Variants in CNTNAP2 observed in about 807,000 individuals in gnomAD.
The protein encoded by CNTNAP2 is contactin associated protein 2, also known as contactin-associated protein-like 2.
In CNTNAP2, 98 loss-of-function variants were observed where a neutral mutation model predicts 155.2. The observed-to-expected ratio is 0.63, with a 90% CI of 0.54 to 0.75. The LOEUF is 0.75. CNTNAP2 is among the 30% of genes least tolerant of loss of function. CNTNAP2 has a pLI of 0.00. For synonymous variants in CNTNAP2, 651 were observed against 631.2 expected, an observed-to-expected ratio of 1.03 and a Z score of -0.47; for missense variants, 1,727 against 1,688.1, an observed-to-expected ratio of 1.02 and a Z score of -0.40.
chr7:147,234,313 A>C (rs1803750200), intron 8 of CNTNAP2, among the ~76,000 whole-genome samples: 1 of 147,038 alleles, frequency 6.8e-6, no homozygotes, highest in Admixed American at 6.8e-5. Context: ...TTTGAGTTTC[A>C]CCAGTTGTCC....
At chr7:147,562,376 A>G in intron 12 of CNTNAP2, 119 bp downstream of exon 12, 2 of 1,249,636 alleles carry the variant, frequency 1.6e-6, no homozygotes, top group South Asian at 1.2e-5. Flanking sequence ...AATCAGCAAC[A>G]TATTGCTGGA....
chr7:148,033,768 T>C (rs940184098), intron 15 of CNTNAP2, among the ~76,000 whole-genome samples: 1 of 152,226 alleles, frequency 6.6e-6, no homozygotes, highest in East Asian at 1.9e-4. Flanking sequence ...CAAGTGTATG[T>C]GCATATACGT....
intron 1 of CNTNAP2, among the ~76,000 whole-genome samples, chr7:146,337,239 G>A (rs1308042698): frequency 1.3e-5 from 2 of 151,400 alleles, no homozygotes; most frequent in African/African-American, 4.9e-5. Flanking sequence ...ATTACTTCTG[G>A]GATATGTACA....
In CNTNAP2 at chr7:148,133,469, G is replaced by GTAA. The variant is rs1201616043; in HGVS notation, c.2555-14007_2555-14005dup. Among the ~76,000 whole-genome samples, 13 of 151,958 alleles carry GTAA rather than the reference G, an allele frequency of 8.6e-5. No homozygotes were observed. In the East Asian group the frequency reaches 1.9e-3, roughly 23 times the overall value. On this transcript the variant is annotated intron_variant, in intron 16 of 23. Coordinates refer to ENST00000361727, the MANE Select transcript of CNTNAP2 (RefSeq NM_014141.6). The stretch of plus-strand genomic sequence containing the variant: ...AGAATGAGAATCTGTCTCAAATAAA[G>GTAA]TAATAATAATAATAATATGCATGCT...
At chr7:147,437,429 C>A (rs1294928317) in intron 10 of CNTNAP2, among the ~76,000 whole-genome samples, 2 of 152,052 alleles carry the variant, frequency 1.3e-5, no homozygotes, top group Non-Finnish European at 2.9e-5. Context: ...ACATTCCTTT[C>A]AGCTCTTTTT....
At chr7:146,227,251 C>T (rs1799308509) in intron 1 of CNTNAP2, among the ~76,000 whole-genome samples, 1 of 151,606 alleles carries the variant, frequency 6.6e-6, no homozygotes, top group African/African-American at 2.4e-5. Flanking sequence ...TATAGTAAAA[C>T]CCTGTCTCTA....
intron 1 of CNTNAP2, among the ~76,000 whole-genome samples, chr7:146,177,063 C>T (rs1039859618): frequency 1.3e-5 from 2 of 152,182 alleles, no homozygotes; most frequent in African/African-American, 2.4e-5. Flanking sequence ...ATTCTGTTGT[C>T]TTTCACTCCA....
At chr7:147,607,432 T>C (rs748591158) in intron 12 of CNTNAP2, among the ~76,000 whole-genome samples, 1 of 152,090 alleles carries the variant, frequency 6.6e-6, no homozygotes, top group Non-Finnish European at 1.5e-5. Flanking sequence ...CTCTCTCTCT[T>C]CTTTCTAATG....
chr7:146,202,566 T>C (rs1278806453), intron 1 of CNTNAP2, among the ~76,000 whole-genome samples: 2 of 152,180 alleles, frequency 1.3e-5, no homozygotes, highest in East Asian at 3.9e-4. Flanking sequence ...CCAGAATTTA[T>C]TGTTGTATGT....
chr7:147,616,885 A>T (rs1251827893), intron 12 of CNTNAP2, among the ~76,000 whole-genome samples: 1 of 152,158 alleles, frequency 6.6e-6, no homozygotes, highest in Non-Finnish European at 1.5e-5. Context: ...CAATAAATGC[A>T]TATTGAAGAT....
chr7:146,354,844 T>A (rs1415534748), intron 1 of CNTNAP2, among the ~76,000 whole-genome samples: 1 of 152,220 alleles, frequency 6.6e-6, no homozygotes, highest in Non-Finnish European at 1.5e-5. Flanking sequence ...TTTGGGTATA[T>A]TCTTGTGAAA....
intron 1 of CNTNAP2, among the ~76,000 whole-genome samples, chr7:146,284,981 A>G (rs531930770): frequency 2.2e-4 from 33 of 152,318 alleles, no homozygotes; most frequent in African/African-American, 7.5e-4. Flanking sequence ...TGGTTTCCCA[A>G]TGATGTTCAC....
intron 3 of CNTNAP2, among the ~76,000 whole-genome samples, chr7:146,969,983 G>A (rs1797748886): frequency 6.6e-6 from 1 of 152,156 alleles, no homozygotes; most frequent in Non-Finnish European, 1.5e-5. Flanking sequence ...TTAATAAATG[G>A]TGCTGGGAAA....
chr7:146,695,807 C>G (rs1183426518), intron 1 of CNTNAP2, among the ~76,000 whole-genome samples: 4 of 152,054 alleles, frequency 2.6e-5, no homozygotes, highest in Admixed American at 2.6e-4. Context: ...TGTTGAATGG[C>G]TAAATAGCTA....
intron 8 of CNTNAP2, among the ~76,000 whole-genome samples, chr7:147,248,073 A>G (rs1804107451): frequency 6.6e-6 from 1 of 151,866 alleles, no homozygotes; most frequent in South Asian, 2.1e-4. Context: ...ACAGAGGGGT[A>G]GAAATAGGCA....
At chr7:147,609,842 CCA>C (rs1158801538) in intron 12 of CNTNAP2, among the ~76,000 whole-genome samples, 1 of 151,902 alleles carries the variant, frequency 6.6e-6, no homozygotes, top group Non-Finnish European at 1.5e-5. Flanking sequence ...TACCTTCTTC[CCA>C]GGGAAGAAGG....
chr7:147,864,666 G>A (rs1221260289), intron 13 of CNTNAP2, among the ~76,000 whole-genome samples: 2 of 152,002 alleles, frequency 1.3e-5, no homozygotes, highest in Non-Finnish European at 2.9e-5. Context: ...TTGGATTCCT[G>A]GGTATTTTAT....
chr7:146,572,714 G>A (rs1416859781), intron 1 of CNTNAP2, among the ~76,000 whole-genome samples: 3 of 152,114 alleles, frequency 2.0e-5, no homozygotes, highest in Non-Finnish European at 2.9e-5. Flanking sequence ...AGTATGAAAA[G>A]CAATATCATA....
chr7:146,397,151 C>T (rs781426859), intron 1 of CNTNAP2, among the ~76,000 whole-genome samples: 10 of 152,160 alleles, frequency 6.6e-5, no homozygotes, highest in Non-Finnish European at 1.2e-4. Context: ...AAATTTTAGA[C>T]CCAGTGGCTT....
Sources: gnomAD v4.1 joint callset for allele counts (sites outside exome capture counted in the v4.1 genomes callset) on GRCh38, gnomAD v4.1.1 for gene constraint, MANE v1.5 for transcripts, NCBI Gene and HGNC (gene_info 2026-07-23, HGNC 2026-07-21) for gene names.